The following EPHA5 variants were observed in gnomAD, a reference collection of about 807,000 sequenced individuals.
The protein encoded by EPHA5 is EPH receptor A5, also known as ephrin type-A receptor 5.
In EPHA5, 60 loss-of-function variants were observed where a neutral mutation model predicts 105.0. That is an observed-to-expected ratio of 0.57 (90% CI 0.46 to 0.71). The LOEUF (loss-of-function observed/expected upper bound fraction) is 0.71, where lower values mean the gene tolerates loss of function less well. Among genes scored for constraint, EPHA5 ranks in the 30% least tolerant of loss-of-function variants. EPHA5 has a pLI of 0.00. For missense variants in EPHA5, 1,218 were observed against 1,274.7 expected (o/e 0.96, Z 0.68); for synonymous variants, 513 against 449.1 (o/e 1.14, Z -1.80).
At chr4:65,543,743 C>T (rs891638400) in intron 3 of EPHA5, among the ~76,000 whole-genome samples, 15 of 151,552 alleles carry the variant, frequency 9.9e-5, no homozygotes, top group Admixed American at 9.9e-4. Context: ...TCATATGGAA[C>T]AAAAAAGAGC....
intron 5 of EPHA5, among the ~76,000 whole-genome samples, chr4:65,460,243 ATAT>A (rs2149128694): frequency 6.6e-6 from 1 of 151,726 alleles, no homozygotes; most frequent in Non-Finnish European, 1.5e-5. Context: ...TAGAATTTTA[ATAT>A]TATATAGTCT....
intron 5 of EPHA5, among the ~76,000 whole-genome samples, chr4:65,423,570 CTTTAT>C (rs1377621171): frequency 2.0e-5 from 3 of 151,702 alleles, no homozygotes; most frequent in East Asian, 1.9e-4. Context: ...TAGTCGAATA[CTTTAT>C]TTTATTACTT....
At chr4:65,327,666 T>C (rs1720213370) in intron 16 of EPHA5, among the ~76,000 whole-genome samples, 1 of 151,298 alleles carries the variant, frequency 6.6e-6, no homozygotes, top group South Asian at 2.1e-4. Flanking sequence ...ATAAATAAGA[T>C]GATTTATGCA....
At chr4:65,541,501 A>G (rs1184402415) in intron 3 of EPHA5, among the ~76,000 whole-genome samples, 1 of 151,986 alleles carries the variant, frequency 6.6e-6, no homozygotes. Flanking sequence ...AAAGAGACAA[A>G]GAAGGGCATT....
intron 5 of EPHA5, among the ~76,000 whole-genome samples, chr4:65,422,616 C>G (rs1187352793): frequency 6.6e-6 from 1 of 151,946 alleles, no homozygotes; most frequent in Non-Finnish European, 1.5e-5. Flanking sequence ...AAAATAATTT[C>G]CAAACTTCTG....
chr4:65,608,561 T>C (rs949337895), intron 2 of EPHA5, among the ~76,000 whole-genome samples: 3 of 151,782 alleles, frequency 2.0e-5, no homozygotes, highest in African/African-American at 7.3e-5. Context: ...TACTACACAC[T>C]AAAATTTGAA....
intron 3 of EPHA5, among the ~76,000 whole-genome samples, chr4:65,586,482 A>C (rs573979033): frequency 1.3e-5 from 2 of 151,992 alleles, no homozygotes; most frequent in South Asian, 4.1e-4. Context: ...TTTTCAAAAC[A>C]GGTAGCAGTT....
At chr4:65,353,525 C>T (rs1224985276) in intron 11 of EPHA5, among the ~76,000 whole-genome samples, 1 of 151,138 alleles carries the variant, frequency 6.6e-6, no homozygotes, top group Non-Finnish European at 1.5e-5. Flanking sequence ...CACACACACA[C>T]ACACACACCC....
chr4:65,465,268 C>G lies in EPHA5; in HGVS notation c.1402+25109G>C, dbSNP rs112263944. 2.1e-3 allele frequency among the ~76,000 whole-genome samples: 326 copies of G among 151,788 alleles called. 1 individual carries two copies. The highest frequency in any genetic ancestry group is 7.6e-3 in the African/African-American group (313 of 41,348). ...CTGGTCAAATAGTGAAACCCCGTCTCTACTAACAATACAAAAAATTAGCCG... is the reference window on the plus strand; with the variant it reads ...CTGGTCAAATAGTGAAACCCCGTCTGTACTAACAATACAAAAAATTAGCCG... On this transcript the variant is annotated intron_variant, in intron 5 of 16. Transcript: ENST00000613740.
intron 5 of EPHA5, among the ~76,000 whole-genome samples, chr4:65,483,816 A>G (rs979400604): frequency 6.6e-6 from 1 of 152,132 alleles, no homozygotes; most frequent in South Asian, 2.1e-4. Context: ...CCCTGAAGTC[A>G]AAGCTGTGAA....
At chr4:65,665,318 A>G (rs1487982080) in intron 1 of EPHA5, among the ~76,000 whole-genome samples, 1 of 152,064 alleles carries the variant, frequency 6.6e-6, no homozygotes, top group Non-Finnish European at 1.5e-5. Flanking sequence ...AGAGTCAATC[A>G]ACAAAAGTGT....
chr4:65,620,393 T>TA (rs1745612681), intron 2 of EPHA5, among the ~76,000 whole-genome samples: 1 of 152,128 alleles, frequency 6.6e-6, no homozygotes, highest in South Asian at 2.1e-4. Flanking sequence ...CAGATTCCTA[T>TA]AAAAAATGTC....
At chr4:65,564,391 A>AGAT (rs1279986117) in intron 3 of EPHA5, among the ~76,000 whole-genome samples, 1 of 151,832 alleles carries the variant, frequency 6.6e-6, no homozygotes, top group African/African-American at 2.4e-5. Context: ...TTACATTAGG[A>AGAT]GATTGTCAAA....
intron 2 of EPHA5, among the ~76,000 whole-genome samples, chr4:65,609,830 CTTAG>C (rs1411050218): frequency 3.3e-5 from 5 of 151,616 alleles, no homozygotes; most frequent in Admixed American, 6.6e-5. Flanking sequence ...AAAAGTATTT[CTTAG>C]TTAAATATCA....
At chr4:65,462,336 A>T (rs1009599665) in intron 5 of EPHA5, among the ~76,000 whole-genome samples, 2 of 152,184 alleles carry the variant, frequency 1.3e-5, no homozygotes, top group African/African-American at 4.8e-5. Context: ...ATTGCTAGGC[A>T]TTTTGCAAGT....
intron 3 of EPHA5, chr4:65,573,893 T>C (rs562815332): frequency 1.2e-6 from 2 of 1,611,922 alleles, no homozygotes; most frequent in African/African-American, 2.7e-5. Flanking sequence ...GAGCCAGCAT[T>C]ACCCCCGGGA....
chr4:65,583,706 G>A (rs1047047019), intron 3 of EPHA5, among the ~76,000 whole-genome samples: 2 of 151,606 alleles, frequency 1.3e-5, no homozygotes, highest in South Asian at 4.1e-4. Flanking sequence ...CCTATGGCTT[G>A]TGGTTATCAC....
chr4:65,506,583 C>T (rs113739313), intron 3 of EPHA5, among the ~76,000 whole-genome samples: 9 of 145,264 alleles, frequency 6.2e-5, no homozygotes, highest in African/African-American at 1.8e-4. Flanking sequence ...TTTTGATTTG[C>T]ATTTCTCTGA....
rs1232301547 is a variant in EPHA5 at position 65,476,659 on chromosome 4, A to T, written c.1402+13718T>A. 4.6e-5 allele frequency among the ~76,000 whole-genome samples: 7 copies of T among 152,262 alleles called. No individual in the cohort carries two copies. The South Asian group carries it at 1.2e-3, about 27-fold the overall frequency. On this transcript the variant is annotated intron_variant, in intron 5 of 16. Transcript: ENST00000613740. The stretch of plus-strand genomic sequence containing the variant: ...TGCTCACTATCTCAATGACAGGATC[A>T]TTCGTATCCCAAACCTCAGCCTCAT...
Sources: allele counts gnomAD v4.1 joint callset (sites outside exome capture counted in the v4.1 genomes callset), GRCh38; gene constraint gnomAD v4.1.1; transcripts MANE v1.5; gene names NCBI Gene and HGNC (gene_info 2026-07-23, HGNC 2026-07-21).